MGAT5: variants seen among roughly 807,000 people sequenced by gnomAD.
MGAT5 encodes alpha-1,6-mannosylglycoprotein 6-beta-N-acetylglucosaminyltransferase A.
A neutral mutation model predicts 94.3 loss-of-function variants in MGAT5; 30 were observed. The ratio of observed to expected loss-of-function variants is 0.32; its 90% CI spans 0.24 to 0.43. The LOEUF (loss-of-function observed/expected upper bound fraction) is 0.43, where lower values mean the gene tolerates loss of function less well. Among genes scored for constraint, MGAT5 ranks in the 20% least tolerant of loss-of-function variants. MGAT5 has a pLI of 1.00. For missense variants in MGAT5, 691 were observed against 905.5 expected, an observed-to-expected ratio of 0.76 and a Z score of 3.04; for synonymous variants, 310 against 322.9, an observed-to-expected ratio of 0.96 and a Z score of 0.43.
chr2:134,274,075 G>A (rs1246711496), intron 2 of MGAT5, among the ~76,000 whole-genome samples: 1 of 152,206 alleles, frequency 6.6e-6, no homozygotes, highest in African/African-American at 2.4e-5. Flanking sequence ...GATTGGATCT[G>A]TGGTTCTTTG....
chr2:134,225,818 G>A (rs1187953037), intron 1 of MGAT5, among the ~76,000 whole-genome samples: 1 of 152,224 alleles, frequency 6.6e-6, no homozygotes, highest in Non-Finnish European at 1.5e-5. Flanking sequence ...TAAGGGACCA[G>A]AGAGAATAGC....
intron 8 of MGAT5, among the ~76,000 whole-genome samples, chr2:134,348,961 C>T (rs912578816): frequency 1.3e-5 from 2 of 152,176 alleles, no homozygotes; most frequent in African/African-American, 2.4e-5. Flanking sequence ...GCTGCAGCTA[C>T]TTAGCTGTGC....
intron 2 of MGAT5, among the ~76,000 whole-genome samples, chr2:134,277,914 C>T (rs558973799): frequency 6.6e-6 from 1 of 152,274 alleles, no homozygotes; most frequent in East Asian, 1.9e-4. Flanking sequence ...CAATATTTAG[C>T]TCATCACGAA....
At chr2:134,296,441 A>G (rs1685678154) in intron 2 of MGAT5, among the ~76,000 whole-genome samples, 1 of 152,080 alleles carries the variant, frequency 6.6e-6, no homozygotes, top group African/African-American at 2.4e-5. Context: ...TATTGATGGA[A>G]GGTTAAATAT....
At chr2:134,339,435 TGTTA>T (rs1452038965) in intron 6 of MGAT5, among the ~76,000 whole-genome samples, 11 of 152,194 alleles carry the variant, frequency 7.2e-5, no homozygotes, top group South Asian at 4.1e-4. Flanking sequence ...TGCTTCTTGC[TGTTA>T]GTTTGAAAAC....
At chr2:134,429,855 A>G (rs369095932) in intron 14 of MGAT5, among the ~76,000 whole-genome samples, 1 of 152,216 alleles carries the variant, frequency 6.6e-6, no homozygotes, top group Non-Finnish European at 1.5e-5. Flanking sequence ...TATAACATCT[A>G]ATTCTCACAG....
chr2:134,290,882 T>C (rs1685305430), intron 2 of MGAT5, among the ~76,000 whole-genome samples: 1 of 152,222 alleles, frequency 6.6e-6, no homozygotes, highest in Non-Finnish European at 1.5e-5. Context: ...CTTGATCAGA[T>C]TGGCTATATG....
chr2:134,126,922 G>T (rs1183914071), intron 1 of MGAT5, among the ~76,000 whole-genome samples: 1 of 151,480 alleles, frequency 6.6e-6, no homozygotes, highest in Non-Finnish European at 1.5e-5. Context: ...TTCACCTCCA[G>T]TTTGTTATTT....
At chr2:134,273,638 G>A (rs551198714) in intron 2 of MGAT5, among the ~76,000 whole-genome samples, 2 of 152,038 alleles carry the variant, frequency 1.3e-5, no homozygotes, top group Admixed American at 6.6e-5. Flanking sequence ...GTGTGTGTGT[G>A]TGTGTGTCTG....
At chr2:134,188,934 A>C (rs920517289) in intron 1 of MGAT5, among the ~76,000 whole-genome samples, 6 of 152,180 alleles carry the variant, frequency 3.9e-5, no homozygotes, top group African/African-American at 1.2e-4. Flanking sequence ...ATTTTCAACT[A>C]TGGTTTTATT....
At chr2:134,325,057 CCTAA>C (rs1687562299) in intron 4 of MGAT5, among the ~76,000 whole-genome samples, 1 of 151,790 alleles carries the variant, frequency 6.6e-6, no homozygotes, top group Non-Finnish European at 1.5e-5. Context: ...TGTTAGTCAG[CCTAA>C]CTGATCTGTT....
chr2:134,400,408 G>A (rs1441400074), intron 10 of MGAT5, among the ~76,000 whole-genome samples: 4 of 152,138 alleles, frequency 2.6e-5, no homozygotes, highest in Non-Finnish European at 5.9e-5. Flanking sequence ...AATCCTTTCT[G>A]AAGGTAATCT....
intron 1 of MGAT5, among the ~76,000 whole-genome samples, chr2:134,181,459 C>T (rs963326503): frequency 2.6e-5 from 4 of 152,130 alleles, no homozygotes; most frequent in Non-Finnish European, 5.9e-5. Context: ...GAGGGTGGGG[C>T]AACGGAAAAG....
chr2:134,354,859 T>TC (rs1213377339), intron 9 of MGAT5, among the ~76,000 whole-genome samples: 1 of 152,174 alleles, frequency 6.6e-6, no homozygotes, highest in Non-Finnish European at 1.5e-5. Flanking sequence ...ACTCCTTCTG[T>TC]CCGCATGCTA....
At chr2:134,183,453 A>G (rs1209341399) in intron 1 of MGAT5, among the ~76,000 whole-genome samples, 1 of 152,242 alleles carries the variant, frequency 6.6e-6, no homozygotes, top group African/African-American at 2.4e-5. Context: ...GGTACACTGT[A>G]TAGAAACTTA....
chr2:134,199,835 T>G (rs1347375151), intron 1 of MGAT5, among the ~76,000 whole-genome samples: 1 of 152,160 alleles, frequency 6.6e-6, no homozygotes, highest in Admixed American at 6.5e-5. Flanking sequence ...TTGTTGCTCA[T>G]GAGTTCTGTT....
At chr2:134,174,499 T>C (rs1573793448) in intron 1 of MGAT5, among the ~76,000 whole-genome samples, 1 of 152,388 alleles carries the variant, frequency 6.6e-6, no homozygotes, top group East Asian at 1.9e-4. Context: ...CAGTCTAATT[T>C]TTAGGCAGTA....
chr2:134,446,107 C>T (rs1393435779), intron 15 of MGAT5, among the ~76,000 whole-genome samples: 1 of 152,034 alleles, frequency 6.6e-6, no homozygotes, highest in Non-Finnish European at 1.5e-5. Context: ...TGCCTGGTGT[C>T]GGGTCTCACC....
chr2:134,369,015 T>C (rs1680612396), intron 10 of MGAT5, among the ~76,000 whole-genome samples: 1 of 151,392 alleles, frequency 6.6e-6, no homozygotes. Flanking sequence ...ATTCATCTTG[T>C]AATCATATAA....
Sources: allele counts gnomAD v4.1 joint callset (sites outside exome capture counted in the v4.1 genomes callset), GRCh38; gene constraint gnomAD v4.1.1; transcripts MANE v1.5; gene names NCBI Gene and HGNC (gene_info 2026-07-23, HGNC 2026-07-21).